ARHGEF7: variants seen among roughly 807,000 people sequenced by gnomAD.
The protein encoded by ARHGEF7 is PAK-interacting exchange factor beta.
ARHGEF7 carries 33 observed loss-of-function variants against 109.8 expected under a neutral mutation model. The ratio of observed to expected loss-of-function variants is 0.30; its 90% CI spans 0.23 to 0.40. ARHGEF7 has a LOEUF of 0.40. ARHGEF7 is among the 10% of genes least tolerant of loss of function. ARHGEF7 has a pLI of 1.00. For missense variants in ARHGEF7, 938 were observed against 1,098.5 expected, an observed-to-expected ratio of 0.85 and a Z score of 2.07; for synonymous variants, 458 against 424.6, an observed-to-expected ratio of 1.08 and a Z score of -0.97.
rs548368874 is a variant in ARHGEF7, at chr13:111,284,987, C to T, written c.1951-1160C>T. Among the ~76,000 whole-genome samples, 4 of 152,366 alleles carry T rather than the reference C, an allele frequency of 2.6e-5. No homozygotes were observed. The East Asian group carries it at 5.8e-4, about 22-fold the overall frequency. ...TGTCTTCTGGAACAGATTGCTGCTG[C>T]ATTTCTAAGAGCTTTCCAATTTTTT... On this transcript the variant is annotated intron_variant, in intron 16 of 21. Transcript: ENST00000646102.
chr13:111,218,291 T>C (rs1450455488), intron 5 of ARHGEF7, among the ~76,000 whole-genome samples: 3 of 152,206 alleles, frequency 2.0e-5, no homozygotes, highest in Admixed American at 1.3e-4. Flanking sequence ...ATTTCTGTCA[T>C]TCTCTTTGTA....
intron 2 of ARHGEF7, among the ~76,000 whole-genome samples, chr13:111,166,515 A>G (rs565447358): frequency 6.6e-6 from 1 of 152,370 alleles, no homozygotes; most frequent in Admixed American, 6.5e-5. Flanking sequence ...GTGACCTCCC[A>G]GGTGATGGTG....
intron 16 of ARHGEF7, among the ~76,000 whole-genome samples, chr13:111,284,804 C>T (rs550594085): frequency 1.3e-4 from 19 of 151,988 alleles, no homozygotes; most frequent in Admixed American, 3.3e-4. Flanking sequence ...CTCTGCAGCC[C>T]GCTCTGCCTG....
chr13:111,281,482 G>C (rs948317424), intron 15 of ARHGEF7, among the ~76,000 whole-genome samples: 1 of 152,174 alleles, frequency 6.6e-6, no homozygotes, highest in Admixed American at 6.5e-5. Flanking sequence ...TGTAGCTCAA[G>C]AAGGATTGCT....
chr13:111,290,739 T>C (rs891937116), intron 18 of ARHGEF7, among the ~76,000 whole-genome samples: 4 of 152,266 alleles, frequency 2.6e-5, no homozygotes, highest in African/African-American at 9.6e-5. Flanking sequence ...ACATTGATTT[T>C]TGTTTTTAAT....
chr13:111,189,251 C>T (rs890793889), intron 2 of ARHGEF7, among the ~76,000 whole-genome samples: 24 of 152,296 alleles, frequency 1.6e-4, no homozygotes, highest in African/African-American at 4.8e-4. Context: ...TTCTTGGTCT[C>T]GCTGACTTCA....
intron 1 of ARHGEF7, among the ~76,000 whole-genome samples, chr13:111,119,375 C>A (rs928225809): frequency 6.6e-6 from 1 of 152,162 alleles, no homozygotes; most frequent in Non-Finnish European, 1.5e-5. Flanking sequence ...ACATTTGAAC[C>A]AGATCAGTTT....
chr13:111,157,012 T>G (rs894343702), intron 2 of ARHGEF7, among the ~76,000 whole-genome samples: 1 of 152,206 alleles, frequency 6.6e-6, no homozygotes, highest in African/African-American at 2.4e-5. Flanking sequence ...GAAGTAAACT[T>G]GGTTAATATG....
chr13:111,221,600 T>G (rs1334838204), intron 5 of ARHGEF7, among the ~76,000 whole-genome samples: 1 of 92,456 alleles, frequency 1.1e-5, no homozygotes, highest in Non-Finnish European at 2.0e-5. Context: ...TATATATAGA[T>G]ATATATCTCC....
intron 18 of ARHGEF7, among the ~76,000 whole-genome samples, chr13:111,289,096 A>C (rs2093155579): frequency 6.6e-6 from 1 of 151,716 alleles, no homozygotes; most frequent in Admixed American, 6.6e-5. Context: ...CAGTAGCGTG[A>C]TCTTGGCTCA....
At chr13:111,249,940 T>C (rs544960115) in intron 8 of ARHGEF7, among the ~76,000 whole-genome samples, 4 of 152,354 alleles carry the variant, frequency 2.6e-5, no homozygotes, top group Admixed American at 2.6e-4. Context: ...ATAGTGAGTT[T>C]GGGTCCCAAG....
intron 2 of ARHGEF7, among the ~76,000 whole-genome samples, chr13:111,200,142 G>A (rs914538833): frequency 1.3e-5 from 2 of 151,862 alleles, no homozygotes; most frequent in Admixed American, 6.6e-5. Context: ...CACCTCTCTC[G>A]GCCCCTAGAT....
At chr13:111,251,882 G>A (rs150874837) in intron 8 of ARHGEF7, among the ~76,000 whole-genome samples, 4 of 152,276 alleles carry the variant, frequency 2.6e-5, no homozygotes, top group African/African-American at 9.6e-5. Flanking sequence ...CATTCATTCT[G>A]TTTTTGTTTT....
intron 8 of ARHGEF7, among the ~76,000 whole-genome samples, chr13:111,263,226 A>AG (rs2091289161): frequency 6.6e-6 from 1 of 152,218 alleles, no homozygotes; most frequent in Non-Finnish European, 1.5e-5. Flanking sequence ...TTAATGAACA[A>AG]GGGCTTTATC....
chr13:111,231,561 G>A (rs998677840), intron 5 of ARHGEF7, among the ~76,000 whole-genome samples: 1 of 151,336 alleles, frequency 6.6e-6, no homozygotes, highest in African/African-American at 2.5e-5. Flanking sequence ...GGAGCATGAG[G>A]TTGGTTCGGG....
intron 1 of ARHGEF7, among the ~76,000 whole-genome samples, chr13:111,133,160 T>C (rs564723421): frequency 6.6e-6 from 1 of 152,234 alleles, no homozygotes; most frequent in East Asian, 1.9e-4. Context: ...CACGTGTATA[T>C]ATGTGTATAT....
intron 1 of ARHGEF7, among the ~76,000 whole-genome samples, chr13:111,129,073 C>CG (rs950302896): frequency 2.0e-5 from 3 of 152,140 alleles, no homozygotes; most frequent in Non-Finnish European, 2.9e-5. Flanking sequence ...ACATAGACAA[C>CG]TGATTTTCAA....
intron 6 of ARHGEF7, among the ~76,000 whole-genome samples, chr13:111,241,877 G>C (rs1286365838): frequency 6.6e-6 from 1 of 152,174 alleles, no homozygotes; most frequent in Non-Finnish European, 1.5e-5. Context: ...GGACTTTTCT[G>C]ATACGTCTGT....
intron 2 of ARHGEF7, among the ~76,000 whole-genome samples, chr13:111,161,009 GA>G (rs2076699971): frequency 6.6e-6 from 1 of 152,200 alleles, no homozygotes; most frequent in South Asian, 2.1e-4. Flanking sequence ...TCCAAAATCT[GA>G]AATTCTTTGA....
Sources: gnomAD v4.1 joint callset for allele counts (sites outside exome capture counted in the v4.1 genomes callset) on GRCh38, gnomAD v4.1.1 for gene constraint, MANE v1.5 for transcripts, NCBI Gene and HGNC (gene_info 2026-07-23, HGNC 2026-07-21) for gene names.